The following ZSWIM6 variants were observed in gnomAD, a reference collection of about 807,000 sequenced individuals.
ZSWIM6 encodes zinc finger SWIM domain-containing protein 6.
A neutral mutation model predicts 113.2 loss-of-function variants in ZSWIM6; 9 were observed. That is an observed-to-expected ratio of 0.08 (90% confidence interval 0.05 to 0.14). The LOEUF is 0.14. Ranked by LOEUF, ZSWIM6 falls within the 10% of genes least tolerant of loss-of-function variation. The pLI, the probability that ZSWIM6 is intolerant of heterozygous loss-of-function variation, is 1.00. For synonymous variants in ZSWIM6, 611 were observed against 606.5 expected (o/e 1.01, Z -0.11); for missense variants, 1,162 against 1,552.2 (o/e 0.75, Z 4.22).
intron 1 of ZSWIM6, chr5:61,390,875 G>T: frequency 1.1e-6 from 1 of 892,942 alleles, no homozygotes; most frequent in Non-Finnish European, 1.9e-6. Flanking sequence ...CCACCACACA[G>T]TCTTTCAGCA....
intron 1 of ZSWIM6, among the ~76,000 whole-genome samples, chr5:61,406,689 CTTTTA>C (rs940947350): frequency 4.1e-5 from 5 of 120,966 alleles, no homozygotes; most frequent in African/African-American, 1.7e-4. Flanking sequence ...TCTCAGAAAT[CTTTTA>C]TTTATTTATT....
chr5:61,364,738 A>T (rs1745115427), intron 1 of ZSWIM6, among the ~76,000 whole-genome samples: 1 of 152,066 alleles, frequency 6.6e-6, no homozygotes, highest in Non-Finnish European at 1.5e-5. Flanking sequence ...ACCTCACATG[A>T]TGGGAAGAAT....
chr5:61,464,387 C>T (rs908645376), intron 1 of ZSWIM6, among the ~76,000 whole-genome samples: 1 of 151,790 alleles, frequency 6.6e-6, no homozygotes, highest in African/African-American at 2.4e-5. Flanking sequence ...GTTTATTATT[C>T]GAATTGTAGA....
At chr5:61,363,301 T>G (rs1252905019) in intron 1 of ZSWIM6, among the ~76,000 whole-genome samples, 1 of 152,246 alleles carries the variant, frequency 6.6e-6, no homozygotes, top group Non-Finnish European at 1.5e-5. Context: ...CATCATGGAA[T>G]CAGAGTAACC....
At chr5:61,365,245 G>A (rs1338933335) in intron 1 of ZSWIM6, among the ~76,000 whole-genome samples, 1 of 152,064 alleles carries the variant, frequency 6.6e-6, no homozygotes, top group African/African-American at 2.4e-5. Context: ...CCAGCTGTTT[G>A]GGAGGCTGAG....
chr5:61,498,676 C>T (rs1452224543), intron 4 of ZSWIM6, among the ~76,000 whole-genome samples: 2 of 152,094 alleles, frequency 1.3e-5, no homozygotes, highest in Non-Finnish European at 2.9e-5. Flanking sequence ...TTAACCTGCT[C>T]CATGGACCCA....
At chr5:61,514,288 T>G (rs1056075287) in intron 4 of ZSWIM6, among the ~76,000 whole-genome samples, 2 of 151,840 alleles carry the variant, frequency 1.3e-5, no homozygotes, top group African/African-American at 2.4e-5. Context: ...TTTTTTTCAT[T>G]TGAACTTATC....
intron 1 of ZSWIM6, among the ~76,000 whole-genome samples, chr5:61,405,907 A>G (rs1221520159): frequency 6.6e-6 from 1 of 152,250 alleles, no homozygotes; most frequent in Non-Finnish European, 1.5e-5. Context: ...ATGTATATGT[A>G]TCACACAAAG....
rs201784275 is a variant in ZSWIM6, at chr5:61,514,898, C to T, written c.1334-6365C>T. 2.0e-4 allele frequency among the ~76,000 whole-genome samples: 30 copies of T among 152,206 alleles called. No individual in the cohort carries two copies. The East Asian group carries it at 3.5e-3, about 18-fold the overall frequency. Reference sequence around the variant, plus strand: ...TAATGCTGGCCTCATACAGTGGGAACCCTTCCCTCCTCTTCCATTTTCTGG... The same window carrying T: ...TAATGCTGGCCTCATACAGTGGGAATCCTTCCCTCCTCTTCCATTTTCTGG... On this transcript the variant is annotated intron_variant, in intron 4 of 13. Transcript: ENST00000252744.
chr5:61,397,222 C>T (rs1354765935), intron 1 of ZSWIM6, among the ~76,000 whole-genome samples: 2 of 152,182 alleles, frequency 1.3e-5, no homozygotes, highest in African/African-American at 2.4e-5. Flanking sequence ...AAAACATTAT[C>T]CCAGTTGTGT....
intron 1 of ZSWIM6, among the ~76,000 whole-genome samples, chr5:61,383,838 C>T (rs1035756373): frequency 6.6e-6 from 1 of 151,820 alleles, no homozygotes; most frequent in Non-Finnish European, 1.5e-5. Flanking sequence ...TGAGCCATCA[C>T]ACCTGGCCAG....
chr5:61,519,968 G>A (rs570012510), intron 4 of ZSWIM6, among the ~76,000 whole-genome samples: 3 of 152,176 alleles, frequency 2.0e-5, no homozygotes, highest in South Asian at 2.1e-4. Context: ...TAATGCCACC[G>A]CTGATCTGAC....
intron 1 of ZSWIM6, among the ~76,000 whole-genome samples, chr5:61,373,836 A>G (rs1483015264): frequency 2.0e-5 from 3 of 152,158 alleles, no homozygotes; most frequent in African/African-American, 7.2e-5. Flanking sequence ...TAAGATTTTT[A>G]GCATTAAAAT....
At chr5:61,483,703 C>T (rs1747940122) in intron 2 of ZSWIM6, among the ~76,000 whole-genome samples, 3 of 143,752 alleles carry the variant, frequency 2.1e-5, no homozygotes, top group Non-Finnish European at 4.6e-5. Context: ...CCCGTCTCTA[C>T]TAAAAATACA....
intron 9 of ZSWIM6, among the ~76,000 whole-genome samples, chr5:61,534,476 A>G (rs979800956): frequency 5.9e-5 from 9 of 152,164 alleles, no homozygotes; most frequent in African/African-American, 2.2e-4. Context: ...ACTCTTCACC[A>G]CACTGGTTTT....
At chr5:61,516,327 T>A (rs1468649063) in intron 4 of ZSWIM6, among the ~76,000 whole-genome samples, 1 of 149,632 alleles carries the variant, frequency 6.7e-6, no homozygotes, top group Non-Finnish European at 1.5e-5. Context: ...TGTTTGTATC[T>A]CCTAGAATAT....
chr5:61,424,220 A>G (rs933469792), intron 1 of ZSWIM6, among the ~76,000 whole-genome samples: 4 of 152,330 alleles, frequency 2.6e-5, no homozygotes, highest in South Asian at 2.1e-4. Flanking sequence ...TTCTAAAAAT[A>G]AAAGGAACTG....
Position 61,493,793 on chromosome 5 carries a change from A to G in ZSWIM6, c.1183-467A>G, listed in dbSNP as rs146282748. On this transcript the variant is annotated intron_variant, in intron 3 of 13. Transcript: ENST00000252744. ...ACTTCTGTGGTTTGTCAAAGCATGAATGCCTACTTTGTTGGATGTAATCTT... is the reference window on the plus strand; with the variant it reads ...ACTTCTGTGGTTTGTCAAAGCATGAGTGCCTACTTTGTTGGATGTAATCTT... 8.5e-5 allele frequency among the ~76,000 whole-genome samples: 13 copies of G among 152,286 alleles called. No individual in the cohort carries two copies. The East Asian group carries it at 2.5e-3, about 29-fold the overall frequency.
chr5:61,379,127 GCTA>G (rs1745428106), intron 1 of ZSWIM6, among the ~76,000 whole-genome samples: 1 of 140,550 alleles, frequency 7.1e-6, no homozygotes, highest in Non-Finnish European at 1.5e-5. Context: ...GCTGCAGTGA[GCTA>G]CTGTGATCAT....
Sources: allele counts gnomAD v4.1 joint callset (sites outside exome capture counted in the v4.1 genomes callset), GRCh38; gene constraint gnomAD v4.1.1; transcripts MANE v1.5; gene names NCBI Gene and HGNC (gene_info 2026-07-23, HGNC 2026-07-21).